The following KIF26B variants were observed in gnomAD, a reference collection of about 807,000 sequenced individuals.
KIF26B encodes the protein kinesin-like protein KIF26B.
KIF26B carries 63 observed loss-of-function variants against 151.2 expected under a neutral mutation model. The ratio of observed to expected loss-of-function variants is 0.42; its 90% CI spans 0.34 to 0.51. KIF26B has a LOEUF of 0.51. Among genes scored for constraint, KIF26B ranks in the 20% least tolerant of loss-of-function variants. KIF26B has a pLI of 0.07. For synonymous variants in KIF26B, 1,357 were observed against 1,262.1 expected (o/e 1.08, Z -1.59); for missense variants, 2,813 against 2,913.6 (o/e 0.97, Z 0.79).
chr1:245,620,650 C>A (rs1343158869), intron 9 of KIF26B, among the ~76,000 whole-genome samples: 1 of 152,152 alleles, frequency 6.6e-6, no homozygotes, highest in East Asian at 1.9e-4. Context: ...GATCCACCTG[C>A]CTTGGCCTCC....
chr1:245,221,958 CTGCATGACA>C (rs1314814436), intron 2 of KIF26B, among the ~76,000 whole-genome samples: 1 of 152,230 alleles, frequency 6.6e-6, no homozygotes, highest in Non-Finnish European at 1.5e-5. Context: ...ACATGTTCAA[CTGCATGACA>C]TGCATGACAG....
In KIF26B at chr1:245,698,408, C is replaced by G. The variant is rs1035821410; in HGVS notation, c.6027+100C>G. The G allele has an allele frequency of 8.8e-7, 1 of 1,129,948 alleles. No individual in the cohort carries two copies. The highest frequency in any genetic ancestry group is 1.5e-5 in the African/African-American group (1 of 65,034). The allele number at this position is 1,129,948 out of a possible 1,614,324, so 70.0% of individuals were successfully genotyped here. A position where few individuals can be genotyped will look rare whatever the true frequency, so the allele number is the denominator to read the frequency against. ...GGCCCTGGGGAAGAAAACTCAGACC[C>G]GGGCTTCCCAGCGGGCTTCTGGCAT... On this transcript the variant is annotated intron_variant, in intron 13 of 14. Transcript: ENST00000407071. The surrounding 1 kb of genome is among the most constrained non-coding windows in gnomAD (Gnocchi z 4.0).
Position 245,686,758 on chromosome 1 carries a change from C to G in KIF26B, c.3775C>G (p.Leu1259Val), listed in dbSNP as rs747761532. ...GGTCAGCATCACACAGTTCTTGCCC[C>G]TCCCGAAGATGAGCCTGGATGAGAA... Reference protein sequence around the residue: ...SEVSITQFLPLPKMSLDEKAQ... With the variant: ...SEVSITQFLPVPKMSLDEKAQ... The change falls in exon 12 of 15, where the codon CTC becomes GTC. Residue 1259 changes from leucine (L) to valine (V), a missense_variant. Around this residue, in one of 3 missense-constraint regions of KIF26B, gnomAD observed 2,060 missense variants for 2,088.6 expected, o/e 0.99. Transcript: ENST00000407071. The surrounding 1 kb of genome is among the most constrained non-coding windows in gnomAD (Gnocchi z 5.6). 7.4e-6 allele frequency: 12 copies of G among 1,613,426 alleles called. No individual in the cohort carries two copies. In the East Asian group the frequency reaches 1.1e-4, roughly 15 times the overall value.
intron 2 of KIF26B, among the ~76,000 whole-genome samples, chr1:245,300,824 C>T (rs1393030602): frequency 1.3e-5 from 2 of 149,198 alleles, no homozygotes; most frequent in Non-Finnish European, 3.0e-5. Context: ...CCACCAAGCC[C>T]GGCCGAATTT....
chr1:245,501,645 C>T (rs1253583389), intron 4 of KIF26B, among the ~76,000 whole-genome samples: 2 of 152,188 alleles, frequency 1.3e-5, no homozygotes, highest in East Asian at 3.9e-4. Context: ...CTACACTGGA[C>T]TAGTGTGGTA....
chr1:245,678,659 T>TGC (rs2044386694), intron 10 of KIF26B, among the ~76,000 whole-genome samples: 1 of 151,944 alleles, frequency 6.6e-6, no homozygotes, highest in East Asian at 1.9e-4. Flanking sequence ...GTCAGGAGAT[T>TGC]GAGACCATCG....
chr1:245,642,737 G>A (rs2043906687), intron 9 of KIF26B, among the ~76,000 whole-genome samples: 1 of 152,096 alleles, frequency 6.6e-6, no homozygotes, highest in South Asian at 2.1e-4. Context: ...GACAGATACT[G>A]AAGGGGTCAG....
At position 245,232,739 on chromosome 1, in the gene KIF26B, G is replaced by A. The variant is rs193061174; in HGVS notation, c.465+76056G>A. 2.8e-4 allele frequency among the ~76,000 whole-genome samples: 43 copies of A among 152,122 alleles called. No individual in the cohort carries two copies. In the East Asian group the frequency reaches 7.4e-3, roughly 26 times the overall value. On this transcript the variant is annotated intron_variant, in intron 2 of 14. Coordinates refer to ENST00000407071, the MANE Select transcript of KIF26B (RefSeq NM_018012.4). The stretch of plus-strand genomic sequence containing the variant: ...CTAATTTTGTATTTTTAGTAGAGAC[G>A]GGGTTTCTCCATGTTGGTCAGGCTG...
Position 245,465,274 on chromosome 1 carries a change from G to A in KIF26B, c.1166+45529G>A, listed in dbSNP as rs556123135. On this transcript the variant is annotated intron_variant, in intron 4 of 14. Transcript: ENST00000407071. Reference sequence around the variant, plus strand: ...ATCACAGGCGTGAGCCACCGCGCCCGGACCCATTGCCTCATTTCTTCCTCC... The same window carrying A: ...ATCACAGGCGTGAGCCACCGCGCCCAGACCCATTGCCTCATTTCTTCCTCC... 1.6e-4 allele frequency among the ~76,000 whole-genome samples: 24 copies of A among 152,242 alleles called. No individual in the cohort carries two copies. In the South Asian group the frequency reaches 3.1e-3, roughly 20 times the overall value.
At chr1:245,386,304 T>C (rs903698959) in intron 3 of KIF26B, among the ~76,000 whole-genome samples, 1 of 151,004 alleles carries the variant, frequency 6.6e-6, no homozygotes, top group African/African-American at 2.4e-5. Context: ...CACTCAATTA[T>C]TAGCTGTATT....
At chr1:245,509,792 T>C (rs1035393425) in intron 4 of KIF26B, among the ~76,000 whole-genome samples, 2 of 152,200 alleles carry the variant, frequency 1.3e-5, no homozygotes, top group African/African-American at 2.4e-5. Context: ...ACAGGTGACC[T>C]TGTGCTTCCT....
In KIF26B at chr1:245,564,719, G is replaced by A. The variant is rs180882857; in HGVS notation, c.1350+23769G>A. 1.9e-4 allele frequency among the ~76,000 whole-genome samples: 29 copies of A among 152,282 alleles called. No homozygotes were observed. In the East Asian group the frequency reaches 3.7e-3, roughly 19 times the overall value. ...CAGCCCCCAGCCTGTAGGCACCAGG[G>A]ACTGGTTTCACGGAAGACAGTTTTC... On this transcript the variant is annotated intron_variant, in intron 5 of 14. Transcript: ENST00000407071. The surrounding 1 kb of genome is among the most constrained non-coding windows in gnomAD (Gnocchi z 4.6).
In KIF26B at chr1:245,297,097, C is replaced by A. The variant is rs538680576; in HGVS notation, c.466-69737C>A. On this transcript the variant is annotated intron_variant, in intron 2 of 14. Coordinates refer to ENST00000407071, the MANE Select transcript of KIF26B (RefSeq NM_018012.4). ...GTGGCTCACGCCTGTAATCCCAACA[C>A]TTTGGGAGGCCAAGGTGGGTGGATC... is the stretch of plus-strand genomic sequence containing the variant. Among the ~76,000 whole-genome samples, 1,181 of 151,986 alleles carry A rather than the reference C, an allele frequency of 7.8e-3. 9 individuals carry two copies. Among genetic ancestry groups the A allele is most frequent in the Middle Eastern group, 0.034 (10 of 292 alleles).
At position 245,335,843 on chromosome 1, in the gene KIF26B, A is replaced by AGTCCCACGAAGGGAAAGGAGG. The variant is rs370241150; in HGVS notation, c.466-30961_466-30941dup. Reference sequence around the variant, plus strand: ...GAAGAGCCCCACGCGGAGAAGGAGGAGTCCCACGAAGGGAAAGGAGGGTCC... The same window carrying AGTCCCACGAAGGGAAAGGAGG: ...GAAGAGCCCCACGCGGAGAAGGAGGAGTCCCACGAAGGGAAAGGAGGGTCCCACGAAGGGAAAGGAGGGTCC... On this transcript the variant is annotated intron_variant, in intron 2 of 14. Coordinates refer to ENST00000407071, the MANE Select transcript of KIF26B (RefSeq NM_018012.4). Among the ~76,000 whole-genome samples, 16 of 135,280 alleles carry AGTCCCACGAAGGGAAAGGAGG rather than the reference A, an allele frequency of 1.2e-4. No individual in the cohort carries two copies. In the East Asian group the frequency reaches 2.8e-3, roughly 24 times the overall value. The allele number at this position is 135,280 out of a possible 152,430, so 88.7% of individuals were successfully genotyped here.
chr1:245,228,332 C>T (rs945211209), intron 2 of KIF26B, among the ~76,000 whole-genome samples: 1 of 152,044 alleles, frequency 6.6e-6, no homozygotes, highest in Non-Finnish European at 1.5e-5. Flanking sequence ...CCTTAGTTGC[C>T]CAGGCGGGCG....
At chr1:245,253,632 C>A (rs1670481533) in intron 2 of KIF26B, among the ~76,000 whole-genome samples, 1 of 151,892 alleles carries the variant, frequency 6.6e-6, no homozygotes, top group Non-Finnish European at 1.5e-5. Flanking sequence ...TAGGATTTGT[C>A]TCTAAAGGCA....
At chr1:245,325,250 G>T (rs1671966705) in intron 2 of KIF26B, among the ~76,000 whole-genome samples, 1 of 152,072 alleles carries the variant, frequency 6.6e-6, no homozygotes, top group Non-Finnish European at 1.5e-5. Flanking sequence ...AAATTGCCAG[G>T]ATTCACGATC....
At chr1:245,340,193 C>T (rs903164887) in intron 2 of KIF26B, among the ~76,000 whole-genome samples, 3 of 152,208 alleles carry the variant, frequency 2.0e-5, no homozygotes, top group Admixed American at 1.3e-4. Context: ...CTAAAATCCA[C>T]AAATGCTCAA....
intron 4 of KIF26B, among the ~76,000 whole-genome samples, chr1:245,521,120 GAGGTCAGGAGATCA>G (rs1661092182): frequency 1.3e-5 from 2 of 152,058 alleles, no homozygotes; most frequent in South Asian, 4.1e-4. Context: ...GGCGGATCAC[GAGGTCAGGAGATCA>G]AGACCATCCT....
Sources: allele counts gnomAD v4.1 joint callset (sites outside exome capture counted in the v4.1 genomes callset), GRCh38; gene constraint gnomAD v4.1.1; regional missense constraint gnomAD v4.1.1; non-coding constraint Gnocchi (gnomAD v3.1); transcripts MANE v1.5; gene names NCBI Gene and HGNC (gene_info 2026-07-23, HGNC 2026-07-21).